Variants in NPC1 observed in about 807,000 individuals in gnomAD.
NPC1 encodes NPC intracellular cholesterol transporter 1.
Under a neutral mutation model 140.4 loss-of-function variants are expected in NPC1, and 85 were observed. The observed-to-expected ratio is 0.61, with a 90% CI of 0.51 to 0.72. NPC1 has a LOEUF of 0.72. Among genes scored for constraint, NPC1 ranks in the 30% least tolerant of loss-of-function variants. NPC1 has a pLI of 0.00. For missense variants in NPC1, 1,504 were observed against 1,623.8 expected (o/e 0.93, Z 1.27); for synonymous variants, 656 against 624.8 (o/e 1.05, Z -0.74).
At chr18:23,564,465 C>T (rs2059093006) in intron 4 of NPC1, among the ~76,000 whole-genome samples, 1 of 151,892 alleles carries the variant, frequency 6.6e-6, no homozygotes, top group African/African-American at 2.4e-5. Flanking sequence ...GTGGCTGGGA[C>T]CACAGGTACA....
In NPC1 at chr18:23,556,497, G is replaced by A; in HGVS notation, c.1072C>T (p.Leu358=). 1 of 1,614,194 alleles carries A rather than the reference G, an allele frequency of 6.2e-7. No individual in the cohort carries two copies. Among genetic ancestry groups the A allele is most frequent in the Non-Finnish European group, 8.5e-7 (1 of 1,180,036 alleles). ...RNPGCVIFFS[L]VFITACSSGL... ...GACGAACACGCAGTAATGAAGACCA[G>A]CGAGAAGAAAATGACACAGCCAGGG... The change falls in exon 8 of 25, where the codon CTG becomes TTG. Residue 358 remains leucine (L), a synonymous_variant. Transcript: ENST00000269228.
downstream of NPC1, among the ~76,000 whole-genome samples, chr18:23,524,738 A>G (rs1408946545): frequency 6.6e-6 from 1 of 152,010 alleles, no homozygotes. Flanking sequence ...TGGAAAAGCC[A>G]GACTCCACCC....
At chr18:23,521,983 A>G (rs2058154433), downstream of NPC1, among the ~76,000 whole-genome samples, 1 of 152,204 alleles carries the variant, frequency 6.6e-6, no homozygotes, top group Non-Finnish European at 1.5e-5. Flanking sequence ...GAACCCTAGT[A>G]GTAATGTTTT....
chr18:23,556,671 G>T, intron 7 of NPC1, 58 bp from the exon 8 acceptor site: 1 of 1,601,872 alleles, frequency 6.2e-7, no homozygotes, highest in Non-Finnish European at 8.5e-7. Context: ...GTTCCTGAAA[G>T]TCGGAACAGG....
downstream of NPC1, among the ~76,000 whole-genome samples, chr18:23,526,126 C>T (rs1055268042): frequency 1.3e-5 from 2 of 152,212 alleles, no homozygotes; most frequent in African/African-American, 4.8e-5. Context: ...GGAAAGGCCA[C>T]ACCAGATGCT....
At chr18:23,543,345 A>AT (rs1733137894) in intron 14 of NPC1, 110 bp downstream of exon 14, 11 of 689,608 alleles carry the variant, frequency 1.6e-5, no homozygotes, top group Non-Finnish European at 2.8e-5. Context: ...AAAAAAAAAA[A>AT]AGAAAAAAAA....
At chr18:23,521,726 T>C (rs938768717), downstream of NPC1, among the ~76,000 whole-genome samples, 5 of 152,134 alleles carry the variant, frequency 3.3e-5, no homozygotes, top group African/African-American at 1.2e-4. Context: ...AGAACTTTAT[T>C]TTCTCACAGT....
At chr18:23,560,058 A>G (rs2059015645) in intron 6 of NPC1, among the ~76,000 whole-genome samples, 173 bp downstream of exon 6, 1 of 152,252 alleles carries the variant, frequency 6.6e-6, no homozygotes, top group South Asian at 2.1e-4. Flanking sequence ...AGTGTTAAAC[A>G]GAACTTTGAT....
chr18:23,555,044 T>A, intron 8 of NPC1, 60 bp from the exon 9 acceptor site: 1 of 1,100,370 alleles, frequency 9.1e-7, no homozygotes, highest in East Asian at 2.4e-5. Flanking sequence ...TCTCAGATCT[T>A]GATTAATCAG....
At chr18:23,518,572 A>T (rs1415063311), downstream of NPC1, among the ~76,000 whole-genome samples, 1 of 152,224 alleles carries the variant, frequency 6.6e-6, no homozygotes, top group African/African-American at 2.4e-5. Flanking sequence ...AACTTGGAAA[A>T]CAGAGAAGAA....
chr18:23,525,008 G>A (rs561227488), downstream of NPC1, among the ~76,000 whole-genome samples: 285 of 143,092 alleles, frequency 2.0e-3, no homozygotes, highest in African/African-American at 6.7e-3. Flanking sequence ...GTGCAATGGC[G>A]TGATCTTGGC....
At chr18:23,519,089 T>C (rs1340355442), downstream of NPC1, 2 of 1,614,068 alleles carry the variant, frequency 1.2e-6, no homozygotes, top group East Asian at 2.2e-5. Flanking sequence ...TGTAAAAAGA[T>C]GCACATATTG....
chr18:23,511,367 A>G (rs781277443), intron 3 of NPC1, among the ~76,000 whole-genome samples: 28 of 152,302 alleles, frequency 1.8e-4, no homozygotes, highest in East Asian at 5.8e-4. Flanking sequence ...AAAGATAACT[A>G]TTGGGTACTG....
chr18:23,530,375 C>T (rs777820397), downstream of NPC1: 12 of 1,614,004 alleles, frequency 7.4e-6, no homozygotes, highest in African/African-American at 1.3e-5. Flanking sequence ...GACTTCTCTC[C>T]CTTACTGCTA....
At chr18:23,517,526 G>C (rs1815614860), downstream of NPC1, among the ~76,000 whole-genome samples, 1 of 152,146 alleles carries the variant, frequency 6.6e-6, no homozygotes, top group Non-Finnish European at 1.5e-5. Flanking sequence ...ACACACAATA[G>C]AGACTAATAA....
intron 6 of NPC1, 61 bp from the exon 7 acceptor site, chr18:23,557,251 G>A: frequency 8.0e-7 from 1 of 1,249,666 alleles, no homozygotes; most frequent in Non-Finnish European, 1.2e-6. Context: ...GTTGTTTTTG[G>A]GACATTCCTG....
rs749078710 is a variant in NPC1 at position 23,556,290 on chromosome 18, C to T, written c.1279G>A (p.Ala427Thr). 6.2e-7 allele frequency: 1 copy of T among 1,614,160 alleles called. No homozygotes were observed. The highest frequency in any genetic ancestry group is 2.2e-5 in the East Asian group (1 of 44,864). ...KHIYQPYPSG[A>T]DVPFGPPLDI... ...AGCGGAGGTCCAAAGGGTACATCAG[C>T]TCCCGAAGGGTATGGCTGGTAAATG... The change falls in exon 8 of 25, where the codon GCT (alanine) becomes ACT (threonine). Residue 427 changes from alanine (A) to threonine (T), a missense_variant. Coordinates refer to ENST00000269228, the MANE Select transcript of NPC1 (RefSeq NM_000271.5).
downstream of NPC1, chr18:23,519,304 G>A (rs546959665): frequency 5.6e-5 from 42 of 753,502 alleles, no homozygotes; most frequent in African/African-American, 6.3e-4. Flanking sequence ...GATTGCTTGA[G>A]CCCAGGAGTT....
chr18:23,523,871 T>C (rs2058217104), intron 1 of NPC1, among the ~76,000 whole-genome samples: 1 of 152,206 alleles, frequency 6.6e-6, no homozygotes, highest in East Asian at 1.9e-4. Flanking sequence ...CTTTGGTTAT[T>C]AAAAATAACC....
Sources: gnomAD v4.1 joint callset for allele counts (sites outside exome capture counted in the v4.1 genomes callset) on GRCh38, gnomAD v4.1.1 for gene constraint, MANE v1.5 for transcripts, NCBI Gene and HGNC (gene_info 2026-07-23, HGNC 2026-07-21) for gene names.